Variants in NAGK observed in about 807,000 individuals in gnomAD.
NAGK encodes N-acetylglucosamine kinase, also known as N-acetyl-D-glucosamine kinase.
A neutral mutation model predicts 42.9 loss-of-function variants in NAGK; 35 were observed. The observed-to-expected ratio is 0.82, with a 90% confidence interval of 0.62 to 1.08. NAGK has a LOEUF of 1.08. NAGK is among the 50% of genes least tolerant of loss of function. NAGK has a pLI of 0.00. For synonymous variants in NAGK, 172 were observed against 176.0 expected (o/e 0.98, Z 0.18); for missense variants, 446 against 446.0 (o/e 1.00, Z 0.00).
intron 5 of NAGK, chr2:71,073,008 T>G (rs1473535676): frequency 5.7e-6 from 3 of 527,708 alleles, no homozygotes; most frequent in South Asian, 3.8e-5. Flanking sequence ...CTGCCTGTGT[T>G]GACTTGCTGT....
chr2:71,078,205 A>G, intron 9 of NAGK, 113 bp from the exon 10 acceptor site: 1 of 1,043,836 alleles, frequency 9.6e-7, no homozygotes, highest in East Asian at 2.5e-5. Context: ...AGGCCCCTCC[A>G]GCATCTCTAC....
At chr2:71,068,913 C>T in intron 1 of NAGK, 1 of 1,298,186 alleles carries the variant, frequency 7.7e-7, no homozygotes, top group Non-Finnish European at 9.7e-7. Context: ...TGTGCAACAG[C>T]CACACCCCGG....
At chr2:71,070,061 C>G (rs1258231187) in intron 1 of NAGK, 1 of 173,332 alleles carries the variant, frequency 5.8e-6, no homozygotes, top group Non-Finnish European at 1.3e-5. Flanking sequence ...TGTGCTCGTT[C>G]TGAGAGGGTA....
In NAGK at chr2:71,073,587, A is replaced by C. The variant is rs770295279; in HGVS notation, c.572A>C (p.Tyr191Ser). ...TACGTCAAACAGGCCATGTTCCACT[A>C]TTTCCAGGTACTCCTCCTGCTCCCA... Reference protein sequence around the residue: ...IGYVKQAMFHYFQVPDRLGIL... With the variant: ...IGYVKQAMFHSFQVPDRLGIL... Residue 191 changes from tyrosine to serine, a missense_variant, in exon 6 of 10, where the codon TAT (tyrosine) becomes TCT (serine). Physicochemically the swap from Tyr to Ser is moderately radical, Grantham distance 144. Coordinates refer to ENST00000244204, the MANE Select transcript of NAGK (RefSeq NM_017567.6). 49 of 1,611,586 alleles carry C rather than the reference A, an allele frequency of 3.0e-5. No homozygotes were observed. Among genetic ancestry groups the C allele is most frequent in the Middle Eastern group, 3.3e-4 (2 of 6,078 alleles).
chr2:71,070,103 C>T (rs180796534), intron 1 of NAGK: 1 of 201,344 alleles, frequency 5.0e-6, no homozygotes, highest in African/African-American at 2.3e-5. Context: ...CCCAGTGGAG[C>T]TTGAAGTCTA....
intron 5 of NAGK, 151 bp from the exon 6 acceptor site, chr2:71,073,331 T>TCCC: frequency 6.6e-5 from 10 of 150,776 alleles, no homozygotes; most frequent in South Asian, 1.0e-4. Flanking sequence ...CCCACCCCCC[T>TCCC]CTCCCACCCC....
rs1671896228 is a variant in NAGK at position 71,068,973 on chromosome 2, G to C, written c.29+261G>C. On this transcript the variant is annotated intron_variant, in intron 1 of 9. Coordinates refer to ENST00000244204, the MANE Select transcript of NAGK (RefSeq NM_017567.6). ...GCGGAACCACGCCCCTTTCTTCCAC[G>C]AAACACCCACTCCGCTGTCTTCAGC... is the stretch of plus-strand genomic sequence containing the variant. 4 of 1,251,232 alleles carry C rather than the reference G, an allele frequency of 3.2e-6. No individual in the cohort carries two copies. In the East Asian group the frequency reaches 1.0e-4, roughly 32 times the overall value. The allele number at this position is 1,251,232 out of a possible 1,614,324, so 77.5% of individuals were successfully genotyped here. A position where few individuals can be genotyped will look rare whatever the true frequency, so the allele number is the denominator to read the frequency against.
chr2:71,072,691 C>A lies in NAGK; in HGVS notation c.406C>A (p.Pro136Thr), dbSNP rs767856034. 2.5e-6 allele frequency: 4 copies of A among 1,614,064 alleles called. No homozygotes were observed. Among genetic ancestry groups the A allele is most frequent in the East Asian group, 2.2e-5 (1 of 44,902 alleles). ...GTGSNCRLIN[P>T]DGSESGCGGW... is the part of the protein sequence containing the mutation. ...AGGCTCCAACTGCAGGCTCATCAAC[C>A]CTGATGGCTCCGAGAGTGGCTGCGG... The change falls in exon 5 of 10, where the codon CCT becomes ACT. Residue 136 changes from proline to threonine, a missense_variant. By Grantham distance (38) the Pro-to-Thr change is conservative. Transcript: ENST00000244204.
chr2:71,073,471 G>A lies in NAGK; in HGVS notation c.467-11G>A. ...TGCTCCCATCTTCTTAGCCCTCTCT[G>A]CTCCCTGCAGCCTACTGGATCGCAC... On this transcript the variant is annotated splice_polypyrimidine_tract_variant and intron_variant, in intron 5 of 9. Transcript: ENST00000244204. 6.3e-7 allele frequency: 1 copy of A among 1,599,766 alleles called. No homozygotes were observed. Among genetic ancestry groups the A allele is most frequent in the East Asian group, 2.2e-5 (1 of 44,814 alleles).
rs1045954501 is a variant in NAGK, at chr2:71,070,573, G to A, written c.101G>A (p.Ser34Asn). 3.1e-6 allele frequency: 5 copies of A among 1,613,920 alleles called. No homozygotes were observed. Among genetic ancestry groups the A allele is most frequent in the Middle Eastern group, 1.6e-4 (1 of 6,062 alleles). The change falls in exon 2 of 10, where the codon AGC becomes AAC. Residue 34 changes from serine to asparagine, a missense_variant. Coordinates refer to ENST00000244204, the MANE Select transcript of NAGK (RefSeq NM_017567.6). Reference sequence around the variant, plus strand: ...ATCCTGGCAGAAGCAGATGGACTGAGCACAAACCACTGGGTAAAAACCACA... The same window carrying A: ...ATCCTGGCAGAAGCAGATGGACTGAACACAAACCACTGGGTAAAAACCACA... ...GKILAEADGL[S>N]TNHWLIGTDK...
intron 6 of NAGK, 43 bp from the exon 7 acceptor site, chr2:71,075,512 T>G: frequency 6.6e-7 from 1 of 1,516,730 alleles, no homozygotes; most frequent in Admixed American, 1.7e-5. Context: ...TTGGGGATTT[T>G]CCTTTGCTTC....
rs553026134 is a variant in NAGK at position 71,070,826 on chromosome 2, C to T, written c.200C>T (p.Pro67Leu). 1.7e-5 allele frequency: 28 copies of T among 1,614,030 alleles called. No homozygotes were observed. The highest frequency in any genetic ancestry group is 5.3e-5 in the African/African-American group (4 of 74,900). Residue 67 changes from proline (P) to leucine (L), a missense_variant, in exon 3 of 10, where the codon CCG becomes CTG. Transcript: ENST00000244204. ...KRKAGVDPLVPLRSLGLSLSG... is the reference protein window; with the variant it reads ...KRKAGVDPLVLLRSLGLSLSG... The stretch of plus-strand genomic sequence containing the variant: ...AAAGCAGGGGTGGATCCTCTGGTAC[C>T]GCTGCGAAGCTTGGTGAGTCTGGGG...
At chr2:71,075,383 G>A (rs1672169079) in intron 6 of NAGK, 172 bp from the exon 7 acceptor site, 1 of 586,390 alleles carries the variant, frequency 1.7e-6, no homozygotes, top group Non-Finnish European at 3.1e-6. Context: ...CCATGTTAGG[G>A]AACACAGATA....
chr2:71,073,333 T>TCCCCCCCCC, intron 5 of NAGK, 149 bp from the exon 6 acceptor site: 7 of 275,664 alleles, frequency 2.5e-5, no homozygotes, highest in South Asian at 8.2e-5. Flanking sequence ...CACCCCCCTC[T>TCCCCCCCCC]CCCACCCCCT....
At chr2:71,073,347 A>AC in intron 5 of NAGK, 135 bp from the exon 6 acceptor site, 2 of 172,790 alleles carry the variant, frequency 1.2e-5, no homozygotes, top group South Asian at 4.0e-5. Flanking sequence ...ACCCCCTGCC[A>AC]CCCCTGGCTG....
In NAGK at chr2:71,078,586, T is replaced by A; in HGVS notation, c.*78T>A. 2 of 1,409,614 alleles carry A rather than the reference T, an allele frequency of 1.4e-6. No homozygotes were observed. Among genetic ancestry groups the A allele is most frequent in the Non-Finnish European group, 1.9e-6 (2 of 1,062,008 alleles). The allele number at this position is 1,409,614 out of a possible 1,614,324, so 87.3% of individuals were successfully genotyped here. A position where few individuals can be genotyped will look rare whatever the true frequency, so the allele number is the denominator to read the frequency against. The stretch of plus-strand genomic sequence containing the variant: ...AGGAAGGAGTCTTTTGCTTCCTTTC[T>A]CCTTTTTACAAAAACAAACATAGAA... On this transcript the variant is annotated 3_prime_UTR_variant, in exon 10 of 10. Coordinates refer to ENST00000244204, the MANE Select transcript of NAGK (RefSeq NM_017567.6).
chr2:71,073,446 T>C (rs1174834016), intron 5 of NAGK, 36 bp from the exon 6 acceptor site: 3 of 1,437,946 alleles, frequency 2.1e-6, no homozygotes, highest in Non-Finnish European at 2.9e-6. Context: ...TCAGGATGAC[T>C]GCTCCCATCT....
intron 9 of NAGK, among the ~76,000 whole-genome samples, 163 bp from the exon 10 acceptor site, chr2:71,078,155 G>A (rs778701846): frequency 2.6e-5 from 4 of 152,180 alleles, no homozygotes; most frequent in Admixed American, 2.0e-4. Flanking sequence ...TCCAATACTC[G>A]AGTACCCAGT....
chr2:71,072,795 C>T (rs1201516594), intron 5 of NAGK, 44 bp downstream of exon 5: 4 of 1,520,634 alleles, frequency 2.6e-6, no homozygotes, highest in African/African-American at 1.4e-5. Flanking sequence ...GGATCTGCTC[C>T]TTCCTTCACT....
Sources: gnomAD v4.1 joint callset for allele counts (sites outside exome capture counted in the v4.1 genomes callset) on GRCh38, gnomAD v4.1.1 for gene constraint, MANE v1.5 for transcripts, NCBI Gene and HGNC (gene_info 2026-07-23, HGNC 2026-07-21) for gene names.